AKNAD1: variants seen among roughly 807,000 people sequenced by gnomAD.
AKNAD1 encodes AKNA domain containing 1.
A neutral mutation model predicts 90.8 loss-of-function variants in AKNAD1; 67 were observed. That is an observed-to-expected ratio of 0.74 (90% CI 0.61 to 0.90). The LOEUF (loss-of-function observed/expected upper bound fraction) is 0.90, where lower values mean the gene tolerates loss of function less well. Among genes scored for constraint, AKNAD1 ranks in the 40% least tolerant of loss-of-function variants. The pLI is 0.00. For missense variants in AKNAD1, 957 were observed against 975.4 expected, an observed-to-expected ratio of 0.98 and a Z score of 0.25; for synonymous variants, 327 against 341.4, an observed-to-expected ratio of 0.96 and a Z score of 0.46.
At chr1:108,834,654 G>C (rs1570809902) in intron 8 of AKNAD1, 126 bp from the exon 9 acceptor site, 1 of 1,007,190 alleles carries the variant, frequency 9.9e-7, no homozygotes, top group African/African-American at 1.6e-5. Flanking sequence ...CTAAGGCAGA[G>C]AGTGCTATGG....
chr1:108,840,899 G>A lies in AKNAD1; in HGVS notation c.1379+2235C>T, dbSNP rs139530983. Among the ~76,000 whole-genome samples the A allele has an allele frequency of 1.5e-3, 234 of 152,244 alleles. 1 individual carries two copies. Among genetic ancestry groups the A allele is most frequent in the African/African-American group, 5.3e-3 (221 of 41,536 alleles). On this transcript the variant is annotated intron_variant, in intron 6 of 15. Transcript: ENST00000370001. ...GTTTAAAAGAAATGAGCCCGGGTAC[G>A]GTGGCTCATGCCTGTAATCCCAGCA...
chr1:108,854,377 T>C (rs1408228883), intron 1 of AKNAD1, among the ~76,000 whole-genome samples: 1 of 152,178 alleles, frequency 6.6e-6, no homozygotes, highest in African/African-American at 2.4e-5. Flanking sequence ...AATGATTATG[T>C]TGGGTGAGCA....
chr1:108,849,102 CTT>C (rs755469755), intron 3 of AKNAD1, 42 bp from the exon 4 acceptor site: 1 of 1,508,824 alleles, frequency 6.6e-7, no homozygotes, highest in Admixed American at 2.3e-5. Flanking sequence ...TTCATCTCAA[CTT>C]ATCACAGTTT....
chr1:108,858,076 G>C (rs1665097972), upstream of AKNAD1: 1 of 152,630 alleles, frequency 6.6e-6, no homozygotes, highest in Non-Finnish European at 1.5e-5. Flanking sequence ...TGGAGTCTCT[G>C]GATATCACAG....
intron 12 of AKNAD1, 42 bp from the exon 13 acceptor site, chr1:108,823,519 C>T (rs1663890162): frequency 1.2e-6 from 2 of 1,611,138 alleles, no homozygotes; most frequent in East Asian, 2.2e-5. Context: ...TGCCTGGGAA[C>T]AGTGACTGTC....
intron 2 of AKNAD1, among the ~76,000 whole-genome samples, chr1:108,851,439 G>A (rs965276929): frequency 7.9e-5 from 12 of 152,140 alleles, no homozygotes; most frequent in South Asian, 2.1e-4. Context: ...GCCAAATTCC[G>A]GCTTGCGGAA....
chr1:108,837,748 G>A (rs1251967341), intron 6 of AKNAD1, 42 bp from the exon 7 acceptor site: 1 of 1,595,884 alleles, frequency 6.3e-7, no homozygotes, highest in African/African-American at 1.3e-5. Flanking sequence ...GGGCTATGTG[G>A]TTGGCATTCT....
chr1:108,854,513 GA>G (rs980436116), intron 1 of AKNAD1, among the ~76,000 whole-genome samples: 59 of 151,848 alleles, frequency 3.9e-4, no homozygotes, highest in African/African-American at 1.4e-3. Flanking sequence ...AGTCGTCCAA[GA>G]AAAAAAGGAG....
At chr1:108,843,993 A>G (rs896159528) in intron 5 of AKNAD1, among the ~76,000 whole-genome samples, 3 of 152,188 alleles carry the variant, frequency 2.0e-5, no homozygotes, top group Non-Finnish European at 2.9e-5. Context: ...GAAGTGTGAG[A>G]TTAAAAAATT....
At chr1:108,819,665 GC>G (rs1663748114) in intron 14 of AKNAD1, among the ~76,000 whole-genome samples, 1 of 151,788 alleles carries the variant, frequency 6.6e-6, no homozygotes, top group Non-Finnish European at 1.5e-5. Context: ...TAATTCCAGT[GC>G]TTTGGGTGAC....
In AKNAD1 at chr1:108,821,181, TG is replaced by T. The variant is rs559538463; in HGVS notation, c.2168-556del. Among the ~76,000 whole-genome samples, 124 of 152,312 alleles carry T rather than the reference TG, an allele frequency of 8.1e-4. No individual in the cohort carries two copies. The Middle Eastern group carries it at 0.014, about 17-fold the overall frequency. ...AAAGGGAGTTTTAGGCCAGGCGTGG[TG>T]GCTCATGTTTTTAATCCCAGCACTT... On this transcript the variant is annotated intron_variant, in intron 13 of 15. Coordinates refer to ENST00000370001, the MANE Select transcript of AKNAD1 (RefSeq NM_152763.5).
intron 11 of AKNAD1, among the ~76,000 whole-genome samples, chr1:108,825,661 T>C (rs889740864): frequency 3.3e-5 from 5 of 151,590 alleles, no homozygotes; most frequent in African/African-American, 1.2e-4. Flanking sequence ...TGCAGATGGA[T>C]TGGTAGAGAA....
intron 1 of AKNAD1, among the ~76,000 whole-genome samples, chr1:108,855,337 C>T (rs904682728): frequency 2.0e-5 from 3 of 152,028 alleles, no homozygotes; most frequent in Non-Finnish European, 4.4e-5. Flanking sequence ...CACTTGAACC[C>T]GGGAGGCAGA....
intron 5 of AKNAD1, among the ~76,000 whole-genome samples, chr1:108,846,778 C>G (rs1664713259): frequency 6.6e-6 from 1 of 152,142 alleles, no homozygotes; most frequent in Admixed American, 6.5e-5. Context: ...GCCAGATCCA[C>G]TGGTCTAACT....
rs749631562 is a variant in AKNAD1 at position 108,823,596 on chromosome 1, G to C, written c.2029C>G (p.Arg677Gly). 6.2e-7 allele frequency: 1 copy of C among 1,613,936 alleles called. No homozygotes were observed. The highest frequency in any genetic ancestry group is 1.3e-5 in the African/African-American group (1 of 74,874). Residue 677 changes from arginine to glycine, a missense_variant, in exon 12 of 16, where the codon CGA (arginine) becomes GGA (glycine). Physicochemically the swap from Arg to Gly is moderately radical, Grantham distance 125. Transcript: ENST00000370001. ...QDCGTKIPTS[R>G]RACRKEPTKE... ...GTTGGTTCTTTCCTGCAGGCTCTTC[G>C]GGAGGTAGGAATCTTAGTGCCACAG...
chr1:108,827,969 A>G (rs1181121010), intron 10 of AKNAD1, among the ~76,000 whole-genome samples: 1 of 151,552 alleles, frequency 6.6e-6, no homozygotes, highest in Non-Finnish European at 1.5e-5. Flanking sequence ...AATCCATTCC[A>G]GGCTGGGTAT....
intron 14 of AKNAD1, among the ~76,000 whole-genome samples, chr1:108,818,341 C>G (rs2101153894): frequency 6.6e-6 from 1 of 152,230 alleles, no homozygotes; most frequent in Non-Finnish European, 1.5e-5. Context: ...ATTGGTTCTG[C>G]AAGTTATTTT....
chr1:108,848,067 T>C (rs997626562), intron 5 of AKNAD1, among the ~76,000 whole-genome samples: 3 of 152,204 alleles, frequency 2.0e-5, no homozygotes, highest in African/African-American at 7.2e-5. Context: ...CTGCTAGGTT[T>C]CTGAAGCACA....
chr1:108,854,959 T>C (rs1021213562), intron 1 of AKNAD1, among the ~76,000 whole-genome samples: 5 of 152,154 alleles, frequency 3.3e-5, no homozygotes, highest in African/African-American at 9.7e-5. Context: ...GTACTCGGCA[T>C]AGGGCTTGGC....
Sources: allele counts gnomAD v4.1 joint callset (sites outside exome capture counted in the v4.1 genomes callset), GRCh38; gene constraint gnomAD v4.1.1; transcripts MANE v1.5; gene names NCBI Gene and HGNC (gene_info 2026-07-23, HGNC 2026-07-21).